USP34: variants seen among roughly 807,000 people sequenced by gnomAD.
USP34 encodes ubiquitin carboxyl-terminal hydrolase 34.
A neutral mutation model predicts 460.3 loss-of-function variants in USP34; 70 were observed. The observed-to-expected ratio is 0.15, with a 90% confidence interval of 0.13 to 0.19. The LOEUF is 0.19. USP34 is among the 10% of genes least tolerant of loss of function. The pLI is 1.00. For missense variants in USP34, 3,985 were observed against 4,236.2 expected (o/e 0.94, Z 1.65); for synonymous variants, 1,647 against 1,405.3 (o/e 1.17, Z -3.85).
intron 44 of USP34, among the ~76,000 whole-genome samples, chr2:61,258,561 G>A (rs2103899368): frequency 6.6e-6 from 1 of 152,126 alleles, no homozygotes; most frequent in South Asian, 2.1e-4. Flanking sequence ...AGGAAACAAT[G>A]GCATAAATAA....
chr2:61,300,822 A>G (rs1409572342), intron 29 of USP34, 129 bp downstream of exon 29: 4 of 642,850 alleles, frequency 6.2e-6, no homozygotes, highest in Non-Finnish European at 9.4e-6. Context: ...AAAAAAATGA[A>G]CAAAAAAAAA....
intron 5 of USP34, among the ~76,000 whole-genome samples, chr2:61,383,695 G>C (rs1052655751): frequency 2.0e-5 from 3 of 152,114 alleles, no homozygotes; most frequent in Admixed American, 1.3e-4. Flanking sequence ...ACTCCAGCCT[G>C]GGCAACGGAG....
intron 3 of USP34, among the ~76,000 whole-genome samples, chr2:61,399,749 TGTAATCC>T (rs1693653283): frequency 6.6e-6 from 1 of 151,524 alleles, no homozygotes; most frequent in Non-Finnish European, 1.5e-5. Flanking sequence ...GGCGGGCGCC[TGTAATCC>T]CAACTACTCG....
intron 10 of USP34, among the ~76,000 whole-genome samples, chr2:61,361,943 A>T (rs1289491596): frequency 2.6e-5 from 4 of 152,068 alleles, no homozygotes; most frequent in Non-Finnish European, 5.9e-5. Context: ...AATATTTAAG[A>T]AACTCATACA....
intron 49 of USP34, among the ~76,000 whole-genome samples, chr2:61,248,270 C>T (rs762774553): frequency 3.3e-5 from 5 of 151,158 alleles, no homozygotes; most frequent in Admixed American, 6.6e-5. Flanking sequence ...AGAGCAACAA[C>T]CGTGCTTATC....
intron 1 of USP34, among the ~76,000 whole-genome samples, chr2:61,456,122 C>T (rs1695430980): frequency 1.3e-5 from 2 of 152,130 alleles, no homozygotes; most frequent in African/African-American, 4.8e-5. Context: ...AATATTTAAA[C>T]AGAGTTAAGG....
intron 1 of USP34, among the ~76,000 whole-genome samples, chr2:61,437,017 C>G (rs1256064513): frequency 6.6e-6 from 1 of 152,152 alleles, no homozygotes; most frequent in Non-Finnish European, 1.5e-5. Flanking sequence ...TACAACACGT[C>G]AAAGCCTGTG....
At chr2:61,343,716 A>C (rs1386716634) in intron 16 of USP34, 99 bp downstream of exon 16, 12 of 1,264,798 alleles carry the variant, frequency 9.5e-6, no homozygotes, top group African/African-American at 1.5e-5. Context: ...AAAAACATTT[A>C]AGTACCATAA....
At chr2:61,196,796 G>A (rs954762198) in intron 75 of USP34, among the ~76,000 whole-genome samples, 1 of 152,094 alleles carries the variant, frequency 6.6e-6, no homozygotes, top group African/African-American at 2.4e-5. Flanking sequence ...GTTTTACGGA[G>A]TGCTGGGATT....
chr2:61,191,504 T>C (rs1293887575), intron 76 of USP34, among the ~76,000 whole-genome samples: 1 of 152,080 alleles, frequency 6.6e-6, no homozygotes, highest in African/African-American at 2.4e-5. Flanking sequence ...AAGACCCAGG[T>C]CTTGAGATCC....
Position 61,283,445 on chromosome 2 carries a change from A to G in USP34, c.4837T>C (p.Leu1613=). Residue 1613 remains leucine (L), a synonymous_variant, in exon 36 of 80, where the codon TTA becomes CTA. Coordinates refer to ENST00000398571, the MANE Select transcript of USP34 (RefSeq NM_014709.4). ...GACCTGTGATCAGACTGAGCTTTTA[A>G]AACTCTGTAAAGTAAAAACACCACC... ...YTYDNLAPRV[L]KAQSDHRSRH... is the part of the protein sequence containing the mutation. 6.2e-7 allele frequency: 1 copy of G among 1,605,730 alleles called. No individual in the cohort carries two copies. Among genetic ancestry groups the G allele is most frequent in the Non-Finnish European group, 8.5e-7 (1 of 1,177,114 alleles).
intron 76 of USP34, among the ~76,000 whole-genome samples, chr2:61,192,029 T>G (rs1217220121): frequency 1.3e-5 from 2 of 152,162 alleles, no homozygotes; most frequent in African/African-American, 2.4e-5. Context: ...GAGTTCTGTT[T>G]TGGAAAAGTA....
chr2:61,358,302 C>T (rs2103805450), intron 10 of USP34, among the ~76,000 whole-genome samples: 1 of 151,784 alleles, frequency 6.6e-6, no homozygotes, highest in East Asian at 1.9e-4. Context: ...TTTAGCTAGA[C>T]TATGGGGAAA....
intron 29 of USP34, among the ~76,000 whole-genome samples, chr2:61,299,754 A>C (rs1690162628): frequency 6.6e-6 from 1 of 152,232 alleles, no homozygotes; most frequent in South Asian, 2.1e-4. Context: ...CATGTCTCAC[A>C]AAAATAAAAA....
At chr2:61,402,160 G>A (rs1419682402) in intron 3 of USP34, among the ~76,000 whole-genome samples, 4 of 152,040 alleles carry the variant, frequency 2.6e-5, no homozygotes, top group Non-Finnish European at 5.9e-5. Flanking sequence ...AATGCCTAGT[G>A]TCCAAGCTAC....
intron 10 of USP34, among the ~76,000 whole-genome samples, chr2:61,367,320 A>G (rs917668046): frequency 4.7e-5 from 7 of 150,244 alleles, no homozygotes; most frequent in East Asian, 2.0e-4. Flanking sequence ...GCACACACAC[A>G]CGCGCGCGCA....
intron 23 of USP34, among the ~76,000 whole-genome samples, chr2:61,316,222 C>G (rs1056915439): frequency 2.0e-5 from 3 of 151,504 alleles, no homozygotes; most frequent in African/African-American, 7.3e-5. Flanking sequence ...ACTAAAAAAA[C>G]TGAAAAAACC....
chr2:61,341,054 T>C (rs1218836357), intron 16 of USP34, among the ~76,000 whole-genome samples: 1 of 152,196 alleles, frequency 6.6e-6, no homozygotes, highest in Admixed American at 6.5e-5. Context: ...CAAATTACTT[T>C]TGACTGTTCT....
Position 61,187,585 on chromosome 2 carries a change from C to T in USP34, c.*517G>A. On this transcript the variant is annotated 3_prime_UTR_variant, in exon 80 of 80. Coordinates refer to ENST00000398571, the MANE Select transcript of USP34 (RefSeq NM_014709.4). ...GTGCTTTATTTCCTCCACAGGTATT[C>T]TGTTAAATAAAGCACCATTTATATA... 1 of 925,340 alleles carries T rather than the reference C, an allele frequency of 1.1e-6. No homozygotes were observed. 57.3% of individuals were successfully genotyped at this position (925,340 alleles called of 1,614,324 possible).
Sources: gnomAD v4.1 joint callset for allele counts (sites outside exome capture counted in the v4.1 genomes callset) on GRCh38, gnomAD v4.1.1 for gene constraint, MANE v1.5 for transcripts, NCBI Gene and HGNC (gene_info 2026-07-23, HGNC 2026-07-21) for gene names.